FNIP2: variants seen among roughly 807,000 people sequenced by gnomAD.
The protein encoded by FNIP2 is folliculin-interacting protein 2.
Under a neutral mutation model 108.7 loss-of-function variants are expected in FNIP2, and 32 were observed. The ratio of observed to expected loss-of-function variants is 0.29; its 90% CI spans 0.22 to 0.40. FNIP2 has a LOEUF of 0.40. FNIP2 is among the 10% of genes least tolerant of loss of function. FNIP2 has a pLI of 1.00. For missense variants in FNIP2, 1,202 were observed against 1,381.6 expected, an observed-to-expected ratio of 0.87 and a Z score of 2.06; for synonymous variants, 480 against 496.7, an observed-to-expected ratio of 0.97 and a Z score of 0.45.
At chr4:158,832,914 C>T (rs1778562083) in intron 5 of FNIP2, among the ~76,000 whole-genome samples, 1 of 151,930 alleles carries the variant, frequency 6.6e-6, no homozygotes. Context: ...TTTCTGTCGT[C>T]GTTTTTGTCA....
chr4:158,830,495 C>T (rs941060351), intron 3 of FNIP2, among the ~76,000 whole-genome samples: 4 of 152,114 alleles, frequency 2.6e-5, no homozygotes, highest in South Asian at 2.1e-4. Context: ...ATCTCCTGAC[C>T]TCATGATCCA....
chr4:158,788,649 G>C (rs1180476652), intron 1 of FNIP2, among the ~76,000 whole-genome samples: 1 of 152,210 alleles, frequency 6.6e-6, no homozygotes, highest in Non-Finnish European at 1.5e-5. Flanking sequence ...CGTACATATG[G>C]ACAGGCCTCT....
In FNIP2 at chr4:158,769,314, CT is replaced by C; in HGVS notation, c.105del (p.Phe35LeufsTer10). On this transcript the variant is annotated frameshift_variant, in exon 1 of 17. Transcript: ENST00000264433. LOFTEE classifies it high-confidence loss of function. ...GCAGGGCTCCTAAGGAAGGACCCGC[CT>C]TTAGGTGAGGGGGCGCCGGGGGGCA... ...QGRAPKEGPA[F>X]SWSCSEFDLN... The C allele has an allele frequency of 6.6e-7, 1 of 1,503,970 alleles. No individual in the cohort carries two copies. The highest frequency in any genetic ancestry group is 1.4e-5 in the African/African-American group (1 of 70,184). The allele number at this position is 1,503,970 out of a possible 1,614,324, so 93.2% of individuals were successfully genotyped here.
intron 16 of FNIP2, among the ~76,000 whole-genome samples, chr4:158,901,054 C>T (rs1423960351): frequency 6.6e-6 from 1 of 150,766 alleles, no homozygotes; most frequent in Non-Finnish European, 1.5e-5. Context: ...TCAGCATTTG[C>T]TTGTCTGTAA....
At chr4:158,773,688 G>A (rs561552864) in intron 1 of FNIP2, among the ~76,000 whole-genome samples, 2 of 152,288 alleles carry the variant, frequency 1.3e-5, no homozygotes, top group East Asian at 3.9e-4. Flanking sequence ...GTAGATGAGA[G>A]TTGAGACAGT....
At chr4:158,813,140 T>C (rs542374076) in intron 1 of FNIP2, among the ~76,000 whole-genome samples, 4 of 152,318 alleles carry the variant, frequency 2.6e-5, no homozygotes, top group African/African-American at 9.6e-5. Context: ...TCTTGGTCGC[T>C]TCTATGTTTT....
At chr4:158,884,486 G>T (rs966295520) in intron 14 of FNIP2, among the ~76,000 whole-genome samples, 3 of 152,192 alleles carry the variant, frequency 2.0e-5, no homozygotes, top group African/African-American at 7.2e-5. Context: ...GAAGAGCAGT[G>T]CAGTGCATGT....
chr4:158,781,667 A>C, intron 1 of FNIP2, among the ~76,000 whole-genome samples: 1 of 152,036 alleles, frequency 6.6e-6, no homozygotes. Flanking sequence ...GGCGCATGCC[A>C]CCATGCTTGG....
intron 1 of FNIP2, among the ~76,000 whole-genome samples, chr4:158,793,197 A>G (rs1229930721): frequency 6.6e-6 from 1 of 152,232 alleles, no homozygotes; most frequent in Admixed American, 6.5e-5. Context: ...CAGAGTGCTG[A>G]TAAAGACAAT....
chr4:158,884,681 G>C (rs1397177362), intron 14 of FNIP2, among the ~76,000 whole-genome samples: 1 of 152,072 alleles, frequency 6.6e-6, no homozygotes, highest in Admixed American at 6.6e-5. Flanking sequence ...CCCAAGACTG[G>C]GTAATTTATA....
At chr4:158,863,146 A>T (rs1780390189) in intron 12 of FNIP2, among the ~76,000 whole-genome samples, 1 of 152,204 alleles carries the variant, frequency 6.6e-6, no homozygotes, top group Non-Finnish European at 1.5e-5. Flanking sequence ...GAGTGTGAGG[A>T]GGGGACGAGG....
intron 13 of FNIP2, among the ~76,000 whole-genome samples, 162 bp from the exon 14 acceptor site, chr4:158,870,151 C>T (rs540783191): frequency 4.6e-5 from 7 of 152,246 alleles, no homozygotes; most frequent in African/African-American, 1.4e-4. Context: ...TTAAAAAACT[C>T]CCTTTTCTCC....
chr4:158,851,464 T>A lies in FNIP2; in HGVS notation c.857+14T>A, dbSNP rs752551884. 3 of 1,613,690 alleles carry A rather than the reference T, an allele frequency of 1.9e-6. No individual in the cohort carries two copies. In the East Asian group the frequency reaches 6.7e-5, roughly 36 times the overall value. On this transcript the variant is annotated intron_variant, in intron 8 of 16. Coordinates refer to ENST00000264433, the MANE Select transcript of FNIP2 (RefSeq NM_020840.3). The stretch of plus-strand genomic sequence containing the variant: ...CATCCCAAGAAGGTGAGTTGCAAGT[T>A]TCCTCTTGCTGAGAAAAGTAGGAGT...
intron 14 of FNIP2, among the ~76,000 whole-genome samples, chr4:158,881,745 A>G (rs1250876894): frequency 1.3e-5 from 2 of 152,226 alleles, no homozygotes; most frequent in East Asian, 3.9e-4. Context: ...AGTCTCGTTC[A>G]CTCAGTGCTC....
intron 7 of FNIP2, among the ~76,000 whole-genome samples, chr4:158,840,326 A>G (rs924378118): frequency 6.6e-6 from 1 of 152,184 alleles, no homozygotes; most frequent in Non-Finnish European, 1.5e-5. Context: ...GTGCATAGTC[A>G]GCTGTAATTT....
intron 7 of FNIP2, among the ~76,000 whole-genome samples, chr4:158,840,569 T>A (rs1397789798): frequency 6.6e-6 from 1 of 152,158 alleles, no homozygotes; most frequent in Non-Finnish European, 1.5e-5. Flanking sequence ...CTAATTTTTG[T>A]ATTTTCAGTA....
intron 14 of FNIP2, among the ~76,000 whole-genome samples, chr4:158,881,535 C>A (rs999451898): frequency 4.6e-5 from 7 of 152,292 alleles, no homozygotes; most frequent in South Asian, 4.2e-4. Context: ...CATCTCCGCT[C>A]ACTGCAAGCT....
Position 158,831,858 on chromosome 4 carries a change from T to C in FNIP2, c.382-3T>C. The C allele has an allele frequency of 6.2e-7, 1 of 1,605,736 alleles. No individual in the cohort carries two copies. The highest frequency in any genetic ancestry group is 2.2e-5 in the East Asian group (1 of 44,790). On this transcript the variant is annotated splice_region_variant and splice_polypyrimidine_tract_variant and intron_variant, in intron 3 of 16. Transcript: ENST00000264433. Reference sequence around the variant, plus strand: ...AACTTTGATTTTGTTTTCTTGCATGTAGTACACAAGACCAGCTTCCGATGT... The same window carrying C: ...AACTTTGATTTTGTTTTCTTGCATGCAGTACACAAGACCAGCTTCCGATGT...
chr4:158,836,976 C>G (rs776778057), intron 7 of FNIP2, among the ~76,000 whole-genome samples: 1 of 152,136 alleles, frequency 6.6e-6, no homozygotes, highest in African/African-American at 2.4e-5. Flanking sequence ...GATAACTCCT[C>G]CAGTCTTTGT....
Sources: gnomAD v4.1 joint callset for allele counts (sites outside exome capture counted in the v4.1 genomes callset) on GRCh38, gnomAD v4.1.1 for gene constraint, MANE v1.5 for transcripts, NCBI Gene and HGNC (gene_info 2026-07-23, HGNC 2026-07-21) for gene names.